NAALADL2: variants seen among roughly 807,000 people sequenced by gnomAD.
The protein encoded by NAALADL2 is N-acetylated alpha-linked acidic dipeptidase like 2.
NAALADL2 carries 76 observed loss-of-function variants against 87.2 expected under a neutral mutation model. The observed-to-expected ratio is 0.87, with a 90% CI of 0.72 to 1.05. The LOEUF is 1.05. Among genes scored for constraint, NAALADL2 ranks in the 50% least tolerant of loss-of-function variants. The pLI is 0.00. For missense variants in NAALADL2, 1,089 were observed against 945.8 expected (o/e 1.15, Z -1.99); for synonymous variants, 354 against 331.0 (o/e 1.07, Z -0.75).
intron 3 of NAALADL2, among the ~76,000 whole-genome samples, chr3:174,814,680 GAATT>G (rs1374531161): frequency 2.0e-5 from 3 of 152,040 alleles, no homozygotes; most frequent in Admixed American, 1.3e-4. Flanking sequence ...ACTACTATCA[GAATT>G]AATTATTTAA....
chr3:174,563,481 A>C (rs1713875765), intron 2 of NAALADL2, among the ~76,000 whole-genome samples: 1 of 151,712 alleles, frequency 6.6e-6, no homozygotes, highest in African/African-American at 2.4e-5. Flanking sequence ...AAGAGTAGAA[A>C]GATTTATTTG....
chr3:174,908,081 G>A (rs4894690), intron 1 of NAALADL2, among the ~76,000 whole-genome samples: 49,507 of 112,018 alleles, frequency 0.44, 9,209 homozygotes, highest in African/African-American at 0.56. Context: ...TCTCCCACTT[G>A]ATTTTACAAG....
intron 9 of NAALADL2, among the ~76,000 whole-genome samples, chr3:175,530,841 G>T (rs1490902805): frequency 6.6e-6 from 1 of 152,184 alleles, no homozygotes; most frequent in Non-Finnish European, 1.5e-5. Flanking sequence ...AAGGCACCCA[G>T]TTCCTGATGG....
chr3:174,788,622 G>A (rs536260033), intron 3 of NAALADL2, among the ~76,000 whole-genome samples: 1 of 152,180 alleles, frequency 6.6e-6, no homozygotes, highest in African/African-American at 2.4e-5. Flanking sequence ...ACCTTTTAAA[G>A]GCCCTATCTC....
At chr3:175,563,768 G>A (rs565471502) in intron 9 of NAALADL2, among the ~76,000 whole-genome samples, 322 of 152,280 alleles carry the variant, frequency 2.1e-3, no homozygotes, top group Non-Finnish European at 2.4e-3. Context: ...GGTACAGTCC[G>A]ACCAAGGTAA....
intron 5 of NAALADL2, among the ~76,000 whole-genome samples, chr3:175,444,945 C>A (rs1169329504): frequency 2.0e-5 from 3 of 152,130 alleles, no homozygotes; most frequent in Non-Finnish European, 4.4e-5. Context: ...TAAGGAAACA[C>A]TCGTGTAACA....
chr3:174,897,558 AT>A (rs1368194705), intron 1 of NAALADL2, among the ~76,000 whole-genome samples: 1 of 152,188 alleles, frequency 6.6e-6, no homozygotes, highest in Non-Finnish European at 1.5e-5. Flanking sequence ...ACCCTTGTAC[AT>A]TGTTGGTGGG....
At chr3:175,458,420 C>A in intron 6 of NAALADL2, among the ~76,000 whole-genome samples, 2 of 149,700 alleles carry the variant, frequency 1.3e-5, no homozygotes, top group African/African-American at 2.4e-5. Flanking sequence ...TATGTATGTT[C>A]TCATGGATAT....
chr3:175,460,751 T>C (rs79974380), intron 6 of NAALADL2, among the ~76,000 whole-genome samples: 4,107 of 152,234 alleles, frequency 0.027, 78 homozygotes, highest in East Asian at 0.085. Context: ...AAGTTATGGG[T>C]CTTGGTAAAA....
chr3:175,571,301 G>A (rs1246201772), intron 9 of NAALADL2, among the ~76,000 whole-genome samples: 1 of 152,042 alleles, frequency 6.6e-6, no homozygotes, highest in Non-Finnish European at 1.5e-5. Flanking sequence ...ACATAACCAT[G>A]GTCCTTGCCT....
At chr3:174,892,439 AG>A (rs1271832429) in intron 1 of NAALADL2, among the ~76,000 whole-genome samples, 21 of 152,172 alleles carry the variant, frequency 1.4e-4, no homozygotes, top group African/African-American at 4.8e-4. Context: ...ATACTGTCAG[AG>A]GAAACAAACA....
intron 3 of NAALADL2, among the ~76,000 whole-genome samples, chr3:174,809,991 C>A (rs1268729200): frequency 6.6e-6 from 1 of 152,110 alleles, no homozygotes; most frequent in African/African-American, 2.4e-5. Context: ...GTGGAAGATG[C>A]CTGCTCCTGC....
At chr3:174,621,740 C>A (rs1385593968) in intron 2 of NAALADL2, among the ~76,000 whole-genome samples, 2 of 152,078 alleles carry the variant, frequency 1.3e-5, no homozygotes, top group African/African-American at 4.8e-5. Flanking sequence ...GTAAATGAGA[C>A]AATCCAGGCA....
In NAALADL2 at chr3:175,422,256, A is replaced by G. The variant is rs376965531; in HGVS notation, c.1091-24973A>G. ...ATGGAGTGATTTGGACAAAAGAAAA[A>G]ATTCAACATATTTTGTAAACAAGTC... On this transcript the variant is annotated intron_variant, in intron 5 of 13. Coordinates refer to ENST00000454872, the MANE Select transcript of NAALADL2 (RefSeq NM_207015.3). 9.9e-5 allele frequency among the ~76,000 whole-genome samples: 15 copies of G among 152,246 alleles called. No homozygotes were observed. The South Asian group carries it at 2.5e-3, about 25-fold the overall frequency.
At chr3:175,665,934 C>CT (rs1032899319) in intron 11 of NAALADL2, among the ~76,000 whole-genome samples, 1 of 151,452 alleles carries the variant, frequency 6.6e-6, no homozygotes, top group African/African-American at 2.4e-5. Context: ...TGTCCCCCCC[C>CT]CAAAAAAAAG....
At chr3:175,652,186 A>G (rs1229972574) in intron 11 of NAALADL2, among the ~76,000 whole-genome samples, 1 of 152,090 alleles carries the variant, frequency 6.6e-6, no homozygotes, top group African/African-American at 2.4e-5. Flanking sequence ...GTGAGTTCCC[A>G]CTCTCGTAAG....
At chr3:174,856,762 G>T (rs768514076), upstream of NAALADL2, among the ~76,000 whole-genome samples, 1 of 152,072 alleles carries the variant, frequency 6.6e-6, no homozygotes, top group Non-Finnish European at 1.5e-5. Flanking sequence ...TCTACTGTAA[G>T]AACATACCTT....
chr3:175,552,704 G>A (rs1214368645), intron 9 of NAALADL2, among the ~76,000 whole-genome samples: 3 of 152,008 alleles, frequency 2.0e-5, no homozygotes, highest in Non-Finnish European at 4.4e-5. Context: ...AAAATTTCCT[G>A]TTTGCTTCTG....
chr3:175,275,470 TG>T (rs5854621), intron 4 of NAALADL2, among the ~76,000 whole-genome samples: 63,335 of 151,842 alleles, frequency 0.42, 13,418 homozygotes, highest in African/African-American at 0.45. Flanking sequence ...TTTATGTAGT[TG>T]GGCGGGCCAT....
Sources: gnomAD v4.1 joint callset for allele counts (sites outside exome capture counted in the v4.1 genomes callset) on GRCh38, gnomAD v4.1.1 for gene constraint, MANE v1.5 for transcripts, NCBI Gene and HGNC (gene_info 2026-07-23, HGNC 2026-07-21) for gene names.